Variants in MRPL45 observed in about 807,000 individuals in gnomAD.
The protein encoded by MRPL45 is large ribosomal subunit protein mL45.
Under a neutral mutation model 38.1 loss-of-function variants are expected in MRPL45, and 20 were observed. The observed-to-expected ratio is 0.53, with a 90% CI of 0.37 to 0.76. The LOEUF is 0.76. Ranked by LOEUF, MRPL45 falls within the 30% of genes least tolerant of loss-of-function variation. The pLI is 0.00. For missense variants in MRPL45, 337 were observed against 395.6 expected, an observed-to-expected ratio of 0.85 and a Z score of 1.26; for synonymous variants, 105 against 128.8, an observed-to-expected ratio of 0.82 and a Z score of 1.25.
intron 3 of MRPL45, among the ~76,000 whole-genome samples, chr17:38,304,895 G>T (rs1325338190): frequency 2.7e-5 from 4 of 149,562 alleles, no homozygotes; most frequent in African/African-American, 9.9e-5. Context: ...CACCCAGGCT[G>T]GAGTGCAGTG....
At chr17:38,300,569 A>G (rs923278525) in intron 3 of MRPL45, among the ~76,000 whole-genome samples, 21 of 152,244 alleles carry the variant, frequency 1.4e-4, no homozygotes, top group East Asian at 1.9e-4. Context: ...CTGTCACTAT[A>G]TGTAAATCAT....
intron 1 of MRPL45, among the ~76,000 whole-genome samples, chr17:38,297,568 A>G (rs2036949357): frequency 6.6e-6 from 1 of 152,148 alleles, no homozygotes; most frequent in Non-Finnish European, 1.5e-5. Flanking sequence ...GATTCTTATA[A>G]GTGAACTACG....
intron 4 of MRPL45, among the ~76,000 whole-genome samples, chr17:38,317,632 C>T (rs528673646): frequency 1.4e-4 from 21 of 151,844 alleles, no homozygotes; most frequent in Non-Finnish European, 1.6e-4. Context: ...AGTGCAGTGG[C>T]GTGATCTCAG....
chr17:38,301,026 G>T (rs1347517948), intron 3 of MRPL45, among the ~76,000 whole-genome samples: 1 of 152,146 alleles, frequency 6.6e-6, no homozygotes, highest in Non-Finnish European at 1.5e-5. Flanking sequence ...GTTAACCAAA[G>T]AATAAAATCC....
intron 5 of MRPL45, among the ~76,000 whole-genome samples, chr17:38,319,000 TA>T (rs1342273767): frequency 8.9e-4 from 47 of 52,848 alleles, no homozygotes; most frequent in East Asian, 5.1e-3. Flanking sequence ...GCTAATTTTT[TA>T]TTTATTTATT....
chr17:38,302,487 AAAAAAAAAAAAAAAAAAAGT>A (rs1455379144), intron 3 of MRPL45, among the ~76,000 whole-genome samples: 4 of 8,590 alleles, frequency 4.7e-4, no homozygotes, highest in African/African-American at 6.6e-4. Flanking sequence ...ACTCCATCTC[AAAAAAAAAAAAAAAAAAAGT>A]TTGTTTTTTT....
intron 6 of MRPL45, 54 bp downstream of exon 6, chr17:38,320,821 A>T (rs1039174206): frequency 2.5e-6 from 4 of 1,589,576 alleles, no homozygotes; most frequent in Non-Finnish European, 3.4e-6. Flanking sequence ...GAGCTTGGGC[A>T]CCTCCCTCTG....
intron 4 of MRPL45, among the ~76,000 whole-genome samples, chr17:38,312,799 T>C (rs1390027939): frequency 6.6e-6 from 1 of 151,716 alleles, no homozygotes; most frequent in Admixed American, 6.6e-5. Flanking sequence ...TGAGCTATGA[T>C]TGTGTCACTA....
At chr17:38,297,302 T>G (rs2036946342) in intron 1 of MRPL45, 53 bp downstream of exon 1, 1 of 1,508,076 alleles carries the variant, frequency 6.6e-7, no homozygotes, top group Non-Finnish European at 9.2e-7. Context: ...GAGGACAGAG[T>G]CGAGGGAAAT....
chr17:38,315,338 C>T (rs2037163010), intron 4 of MRPL45, among the ~76,000 whole-genome samples: 1 of 152,188 alleles, frequency 6.6e-6, no homozygotes, highest in East Asian at 1.9e-4. Context: ...GCACTGCAGC[C>T]TCAACCTGCT....
intron 3 of MRPL45, among the ~76,000 whole-genome samples, chr17:38,306,253 C>A (rs1322669470): frequency 6.6e-6 from 1 of 151,758 alleles, no homozygotes; most frequent in Non-Finnish European, 1.5e-5. Flanking sequence ...ACTAAAAATA[C>A]AAAAATTTAG....
At chr17:38,304,041 G>A (rs931445365) in intron 3 of MRPL45, among the ~76,000 whole-genome samples, 4 of 152,182 alleles carry the variant, frequency 2.6e-5, no homozygotes, top group Non-Finnish European at 5.9e-5. Flanking sequence ...TTTTCTAGCA[G>A]CTGCCTGAGA....
intron 3 of MRPL45, among the ~76,000 whole-genome samples, chr17:38,304,320 G>C (rs548862686): frequency 1.7e-3 from 265 of 152,136 alleles, no homozygotes; most frequent in African/African-American, 6.1e-3. Context: ...CTAAAAAAAA[G>C]TGAAAATTAG....
rs753746777 is a variant in MRPL45, at chr17:38,318,636, C to G, written c.462-51C>G. ...TTCAGGACCATTTTCAGTCTTCATA[C>G]AGGGTATTATAAGAGCAATAGTCAA... On this transcript the variant is annotated intron_variant, in intron 4 of 7. Transcript: ENST00000613675. 4 of 1,327,032 alleles carry G rather than the reference C, an allele frequency of 3.0e-6. No individual in the cohort carries two copies. The East Asian group carries it at 7.0e-5, about 23-fold the overall frequency. The allele number at this position is 1,327,032 out of a possible 1,614,324, so 82.2% of individuals were successfully genotyped here.
rs774079302 is a variant in MRPL45 at position 38,320,647 on chromosome 17, C to G, written c.540C>G (p.Thr180=). The stretch of plus-strand genomic sequence containing the variant: ...TGACTTGGGACATCAAATATAAGAC[C>G]GTCCGCTGGAGCTTTGTGGAATCTT... ...PDMTWDIKYK[T]VRWSFVESLE... Residue 180 remains threonine (T), a synonymous_variant, in exon 6 of 8, where the codon ACC becomes ACG. Coordinates refer to ENST00000613675, the MANE Select transcript of MRPL45 (RefSeq NM_032351.6). 2 of 1,613,962 alleles carry G rather than the reference C, an allele frequency of 1.2e-6. No individual in the cohort carries two copies. Among genetic ancestry groups the G allele is most frequent in the African/African-American group, 1.3e-5 (1 of 74,880 alleles).
chr17:38,318,967 A>G (rs1265858993), intron 5 of MRPL45, among the ~76,000 whole-genome samples: 2 of 151,004 alleles, frequency 1.3e-5, no homozygotes, highest in Non-Finnish European at 2.9e-5. Flanking sequence ...AGCTGGGATT[A>G]CAGGCATGCG....
At chr17:38,313,275 G>A (rs746131447) in intron 4 of MRPL45, among the ~76,000 whole-genome samples, 4 of 129,788 alleles carry the variant, frequency 3.1e-5, no homozygotes, top group Admixed American at 1.7e-4. Flanking sequence ...GAGCTATTGC[G>A]CCTAGCCACT....
rs779713252 is a variant in MRPL45, at chr17:38,299,469, G to A, written c.362+1G>A. 25 of 1,587,476 alleles carry A rather than the reference G, an allele frequency of 1.6e-5. No individual in the cohort carries two copies. Among genetic ancestry groups the A allele is most frequent in the African/African-American group, 2.7e-5 (2 of 73,042 alleles). On this transcript the variant is annotated splice_donor_variant, in intron 3 of 7. Coordinates refer to ENST00000613675, the MANE Select transcript of MRPL45 (RefSeq NM_032351.6). LOFTEE classifies it high-confidence loss of function. ...AGAAGACTATGGCATCACAAGTGTC[G>A]TAGGTGTCTGAGACAATTGGGTATT... is the stretch of plus-strand genomic sequence containing the variant.
intron 1 of MRPL45, 41 bp downstream of exon 1, chr17:38,297,290 G>A (rs2036946085): frequency 6.4e-7 from 1 of 1,568,326 alleles, no homozygotes. Context: ...GGGGCTACAG[G>A]AGAGGACAGA....
Sources: allele counts gnomAD v4.1 joint callset (sites outside exome capture counted in the v4.1 genomes callset), GRCh38; gene constraint gnomAD v4.1.1; transcripts MANE v1.5; gene names NCBI Gene and HGNC (gene_info 2026-07-23, HGNC 2026-07-21).